Variants in STX6 observed in about 807,000 individuals in gnomAD.
The protein encoded by STX6 is syntaxin 6, also known as syntaxin-6.
In STX6, 23 loss-of-function variants were observed where a neutral mutation model predicts 38.0. The observed-to-expected ratio is 0.60, with a 90% CI of 0.43 to 0.86. The LOEUF (loss-of-function observed/expected upper bound fraction) is 0.86. STX6 is among the 40% of genes least tolerant of loss of function. The probability of loss-of-function intolerance (pLI) is 0.00; values close to 1 mark genes in which losing one functional copy is unlikely to be tolerated. For synonymous variants in STX6, 123 were observed against 107.5 expected (o/e 1.14, Z -0.89); for missense variants, 274 against 312.9 (o/e 0.88, Z 0.94).
At chr1:180,983,893 T>C (rs2102303470) in intron 7 of STX6, among the ~76,000 whole-genome samples, 1 of 151,470 alleles carries the variant, frequency 6.6e-6, no homozygotes, top group East Asian at 2.0e-4. Flanking sequence ...TGAAACTCCA[T>C]CTCTACTAAA....
At chr1:180,987,242 C>T (rs1655614871) in intron 6 of STX6, among the ~76,000 whole-genome samples, 1 of 152,200 alleles carries the variant, frequency 6.6e-6, no homozygotes, top group African/African-American at 2.4e-5. Context: ...CACCAACTCT[C>T]ACCTCACCTG....
In STX6 at chr1:180,987,715, CA is replaced by C. The variant is rs1655627729; in HGVS notation, c.596+523del. ...AAAAGGGATTGTTCATAAGGAAAAA[CA>C]AACTGAGGTTATGTTTTGTTTTTAT... is the stretch of plus-strand genomic sequence containing the variant. On this transcript the variant is annotated intron_variant, in intron 6 of 7. Transcript: ENST00000258301. The C allele has an allele frequency of 5.3e-5, 8 of 151,558 alleles. No homozygotes were observed. The South Asian group carries it at 1.7e-3, about 31-fold the overall frequency. 9.4% of individuals were successfully genotyped at this position (151,558 alleles called of 1,614,324 possible).
At chr1:181,002,575 A>G in intron 3 of STX6, 31 bp downstream of exon 3, 1 of 1,502,828 alleles carries the variant, frequency 6.7e-7, no homozygotes. Flanking sequence ...TATTTCTTAT[A>G]CAGATAACAC....
At chr1:180,976,831 C>A (rs1172852869) in intron 7 of STX6, among the ~76,000 whole-genome samples, 185 bp from the exon 8 acceptor site, 1 of 152,198 alleles carries the variant, frequency 6.6e-6, no homozygotes, top group Non-Finnish European at 1.5e-5. Flanking sequence ...GCCTGCACTT[C>A]GCATGCAGTC....
intron 3 of STX6, among the ~76,000 whole-genome samples, chr1:180,997,628 C>T (rs1655950326): frequency 6.6e-6 from 1 of 152,084 alleles, no homozygotes; most frequent in Non-Finnish European, 1.5e-5. Flanking sequence ...TTGGATATAT[C>T]AGGTTAAATA....
intron 1 of STX6, among the ~76,000 whole-genome samples, chr1:181,014,077 A>G (rs187320748): frequency 1.3e-5 from 2 of 152,354 alleles, no homozygotes; most frequent in African/African-American, 4.8e-5. Flanking sequence ...CTCCAGTTTG[A>G]TAAAAGAATG....
At chr1:181,001,754 T>C (rs758914177) in intron 3 of STX6, among the ~76,000 whole-genome samples, 27 of 152,172 alleles carry the variant, frequency 1.8e-4, no homozygotes, top group Admixed American at 9.2e-4. Flanking sequence ...CACTAAGAAA[T>C]AAAAAGTGAG....
chr1:180,996,403 C>G (rs1346912048), intron 3 of STX6, among the ~76,000 whole-genome samples: 1 of 152,052 alleles, frequency 6.6e-6, no homozygotes, highest in Admixed American at 6.5e-5. Flanking sequence ...AATGATCAAA[C>G]ATGAATAGAT....
chr1:180,993,388 G>T lies in STX6; in HGVS notation c.338C>A (p.Ala113Glu). Residue 113 changes from alanine (A) to glutamate (E), a missense_variant, in exon 4 of 8, where the codon GCA (alanine) becomes GAA (glutamate). Physicochemically the swap from Ala to Glu is moderately radical, Grantham distance 107 (BLOSUM62 -1). Coordinates refer to ENST00000258301, the MANE Select transcript of STX6 (RefSeq NM_005819.6). ...CTGTCTATTTTTTCTTTCAGCTAAT[G>T]CCTGCACAGATGAAGTTGACATCTG... ...KDQMSTSSVQ[A>E]LAERKNRQAL... 1 of 1,595,932 alleles carries T rather than the reference G, an allele frequency of 6.3e-7. No individual in the cohort carries two copies. The highest frequency in any genetic ancestry group is 8.6e-7 in the Non-Finnish European group (1 of 1,164,842).
chr1:181,002,544 A>T (rs1021801242), intron 3 of STX6, 62 bp downstream of exon 3: 1 of 1,186,354 alleles, frequency 8.4e-7, no homozygotes, highest in African/African-American at 1.5e-5. Flanking sequence ...AATTAAGGGA[A>T]AGAGCTCTAA....
intron 1 of STX6, among the ~76,000 whole-genome samples, chr1:181,021,536 G>T (rs1438954922): frequency 6.6e-6 from 1 of 152,204 alleles, no homozygotes; most frequent in African/African-American, 2.4e-5. Flanking sequence ...ACAGAAATAG[G>T]AAGCTAGCAG....
At chr1:181,002,526 T>C in intron 3 of STX6, 80 bp downstream of exon 3, 1 of 978,458 alleles carries the variant, frequency 1.0e-6, no homozygotes, top group Non-Finnish European at 1.6e-6. Context: ...GGTGACCTAT[T>C]AGTTTACAAT....
At chr1:181,011,321 T>C (rs184730724) in intron 1 of STX6, among the ~76,000 whole-genome samples, 2 of 152,264 alleles carry the variant, frequency 1.3e-5, no homozygotes, top group South Asian at 2.1e-4. Flanking sequence ...CCCATCTCAA[T>C]AGCAAGCAAA....
chr1:180,998,656 T>C (rs868032080), intron 3 of STX6, among the ~76,000 whole-genome samples: 1 of 152,086 alleles, frequency 6.6e-6, no homozygotes, highest in African/African-American at 2.4e-5. Flanking sequence ...GCTGGGATTA[T>C]AGGCATGAGC....
intron 2 of STX6, 124 bp from the exon 3 acceptor site, chr1:181,002,824 G>A: frequency 1.6e-6 from 1 of 632,640 alleles, no homozygotes; most frequent in South Asian, 1.8e-5. Context: ...AACACAGTCA[G>A]CTGGACACCA....
intron 1 of STX6, among the ~76,000 whole-genome samples, chr1:181,005,840 T>C (rs1656208973): frequency 6.6e-6 from 1 of 152,224 alleles, no homozygotes. Context: ...TAATAATTTA[T>C]ACTCAGATGA....
chr1:181,022,134 G>T (rs1656748453), intron 1 of STX6, among the ~76,000 whole-genome samples: 1 of 140,436 alleles, frequency 7.1e-6, no homozygotes, highest in Admixed American at 7.3e-5. Context: ...GTGCTCAGAC[G>T]CCTCTGGGCT....
intron 7 of STX6, among the ~76,000 whole-genome samples, chr1:180,984,225 G>A (rs1419525146): frequency 6.7e-6 from 1 of 150,034 alleles, no homozygotes; most frequent in Non-Finnish European, 1.5e-5. Context: ...TGATTCTAAG[G>A]CATCACAAAA....
At chr1:180,999,744 A>G (rs982372647) in intron 3 of STX6, among the ~76,000 whole-genome samples, 1 of 152,152 alleles carries the variant, frequency 6.6e-6, no homozygotes, top group African/African-American at 2.4e-5. Flanking sequence ...ACACTGTTTG[A>G]AAGATAAAGT....
Sources: allele counts gnomAD v4.1 joint callset (sites outside exome capture counted in the v4.1 genomes callset), GRCh38; gene constraint gnomAD v4.1.1; transcripts MANE v1.5; gene names NCBI Gene and HGNC (gene_info 2026-07-23, HGNC 2026-07-21).